SGCG: variants seen among roughly 807,000 people sequenced by gnomAD.
The protein encoded by SGCG is sarcoglycan gamma.
In SGCG, 26 loss-of-function variants were observed where a neutral mutation model predicts 29.3. That is an observed-to-expected ratio of 0.89 (90% CI 0.65 to 1.23). The LOEUF (loss-of-function observed/expected upper bound fraction) is 1.23. SGCG is among the 50% of genes most tolerant of loss of function. The probability of loss-of-function intolerance (pLI) is 0.00; values close to 1 mark genes in which losing one functional copy is unlikely to be tolerated. For synonymous variants in SGCG, 145 were observed against 129.7 expected (o/e 1.12, Z -0.80); for missense variants, 353 against 356.0 (o/e 0.99, Z 0.07).
intron 2 of SGCG, among the ~76,000 whole-genome samples, chr13:23,227,089 C>T (rs928974837): frequency 1.3e-5 from 2 of 151,814 alleles, no homozygotes; most frequent in Non-Finnish European, 2.9e-5. Context: ...TGGCATGAAT[C>T]CCCCTTGTTC....
the SGCG span, among the ~76,000 whole-genome samples, chr13:23,171,645 T>C: frequency 6.6e-5 from 10 of 152,138 alleles, no homozygotes; most frequent in Non-Finnish European, 4.4e-5. Context: ...ATGGAGGACA[T>C]AGGGGATGGT....
At chr13:23,318,057 G>A (rs941073871) in intron 6 of SGCG, among the ~76,000 whole-genome samples, 2 of 152,178 alleles carry the variant, frequency 1.3e-5, no homozygotes, top group Non-Finnish European at 2.9e-5. Context: ...TCCTGCCCTC[G>A]AACATTGGAC....
intron 4 of SGCG, among the ~76,000 whole-genome samples, chr13:23,253,569 TTTAA>T (rs1197234974): frequency 6.6e-6 from 1 of 152,232 alleles, no homozygotes; most frequent in African/African-American, 2.4e-5. Context: ...ATTAATCTCA[TTTAA>T]TTAAGTGAAT....
intron 2 of SGCG, among the ~76,000 whole-genome samples, chr13:23,217,064 C>T (rs1380951389): frequency 2.6e-5 from 4 of 152,050 alleles, no homozygotes; most frequent in Non-Finnish European, 5.9e-5. Context: ...TACCACCACT[C>T]CGGGTATATA....
At chr13:23,201,490 G>A (rs908974261) in intron 1 of SGCG, among the ~76,000 whole-genome samples, 23 of 152,026 alleles carry the variant, frequency 1.5e-4, no homozygotes, top group African/African-American at 5.6e-4. Flanking sequence ...CAGAGGCATC[G>A]GAGCCAGAGG....
intron 4 of SGCG, among the ~76,000 whole-genome samples, chr13:23,252,769 G>A (rs1012342161): frequency 6.6e-6 from 1 of 152,132 alleles, no homozygotes; most frequent in African/African-American, 2.4e-5. Context: ...TTTTTGTTGG[G>A]TGTGGATTTT....
intron 2 of SGCG, among the ~76,000 whole-genome samples, chr13:23,206,643 A>G (rs1877991181): frequency 6.6e-6 from 1 of 152,252 alleles, no homozygotes; most frequent in South Asian, 2.1e-4. Flanking sequence ...TATCTCTTCC[A>G]GTTCCTGATT....
intron 2 of SGCG, among the ~76,000 whole-genome samples, chr13:23,212,873 A>G (rs540614626): frequency 1.0e-3 from 155 of 152,260 alleles, no homozygotes; most frequent in Non-Finnish European, 1.7e-3. Context: ...ACACTCAGGG[A>G]ATACAGCATG....
chr13:23,292,783 TA>T (rs1442998803), intron 5 of SGCG, among the ~76,000 whole-genome samples: 3 of 152,228 alleles, frequency 2.0e-5, no homozygotes, highest in African/African-American at 7.2e-5. Flanking sequence ...AAGCTCACTC[TA>T]GTTTCGTGAT....
chr13:23,283,006 T>C (rs1041210582), intron 5 of SGCG, among the ~76,000 whole-genome samples: 1 of 152,232 alleles, frequency 6.6e-6, no homozygotes, highest in Admixed American at 6.5e-5. Context: ...CTCCATTCTT[T>C]TGCATTTGCT....
chr13:23,188,637 A>C (rs915186128), intron 1 of SGCG, among the ~76,000 whole-genome samples: 1 of 151,738 alleles, frequency 6.6e-6, no homozygotes, highest in Non-Finnish European at 1.5e-5. Context: ...CTTTTAACAT[A>C]TTTGTCGCAT....
intron 4 of SGCG, among the ~76,000 whole-genome samples, chr13:23,274,395 C>CTCT (rs1377323937): frequency 2.2e-3 from 184 of 85,262 alleles, no homozygotes; most frequent in Non-Finnish European, 3.3e-3. Context: ...CTTTCTTTCT[C>CTCT]TTTTTTTTTT....
chr13:23,182,204 G>T (rs74445285), intron 1 of SGCG, among the ~76,000 whole-genome samples: 32 of 152,272 alleles, frequency 2.1e-4, no homozygotes, highest in African/African-American at 7.5e-4. Context: ...TTATTAAATT[G>T]CATTAAAAAT....
chr13:23,215,822 A>G (rs1878405435), intron 2 of SGCG, among the ~76,000 whole-genome samples: 1 of 152,094 alleles, frequency 6.6e-6, no homozygotes, highest in African/African-American at 2.4e-5. Flanking sequence ...AACTAAAACA[A>G]AGACATATTT....
chr13:23,191,976 C>T (rs1291539563), intron 1 of SGCG, among the ~76,000 whole-genome samples: 3 of 151,918 alleles, frequency 2.0e-5, no homozygotes, highest in African/African-American at 7.3e-5. Context: ...GAGATCGAGA[C>T]CATCCTGGCT....
intron 4 of SGCG, among the ~76,000 whole-genome samples, chr13:23,277,978 G>A (rs867505482): frequency 3.3e-5 from 5 of 151,974 alleles, no homozygotes; most frequent in Non-Finnish European, 5.9e-5. Flanking sequence ...GATTACAGGC[G>A]TGAGCCACCG....
At chr13:23,191,124 T>A (rs1157484679) in intron 1 of SGCG, among the ~76,000 whole-genome samples, 4 of 152,194 alleles carry the variant, frequency 2.6e-5, no homozygotes, top group Admixed American at 2.0e-4. Context: ...ATAAATCATC[T>A]TCTTCATTTG....
intron 2 of SGCG, among the ~76,000 whole-genome samples, chr13:23,212,696 G>T (rs1215488033): frequency 6.6e-6 from 1 of 152,176 alleles, no homozygotes; most frequent in Non-Finnish European, 1.5e-5. Flanking sequence ...AGTGAGAAGA[G>T]AGGCTCCAGT....
At chr13:23,298,522 A>T (rs1881998656) in intron 6 of SGCG, among the ~76,000 whole-genome samples, 1 of 152,226 alleles carries the variant, frequency 6.6e-6, no homozygotes, top group South Asian at 2.1e-4. Context: ...CATTTGTAAC[A>T]TAAAAATAGA....
Sources: gnomAD v4.1 joint callset for allele counts (sites outside exome capture counted in the v4.1 genomes callset) on GRCh38, gnomAD v4.1.1 for gene constraint, MANE v1.5 for transcripts, NCBI Gene and HGNC (gene_info 2026-07-23, HGNC 2026-07-21) for gene names.